Variants in DST observed in about 807,000 individuals in gnomAD.
The protein encoded by DST is bullous pemphigoid antigen.
A neutral mutation model predicts 875.2 loss-of-function variants in DST; 253 were observed. The observed-to-expected ratio is 0.29, with a 90% CI of 0.26 to 0.32. The LOEUF is 0.32. Among genes scored for constraint, DST ranks in the 10% least tolerant of loss-of-function variants. The pLI is 1.00. For synonymous variants in DST, 3,124 were observed against 3,197.1 expected, an observed-to-expected ratio of 0.98 and a Z score of 0.77; for missense variants, 8,287 against 9,111.6, an observed-to-expected ratio of 0.91 and a Z score of 3.68.
chr6:56,533,820 T>C (rs1406945107), intron 63 of DST, among the ~76,000 whole-genome samples: 1 of 152,196 alleles, frequency 6.6e-6, no homozygotes. Context: ...TTTCCCAATA[T>C]GCTGAAGTTT....
chr6:56,611,125 G>A (rs1429166630), intron 38 of DST, among the ~76,000 whole-genome samples: 3 of 152,042 alleles, frequency 2.0e-5, no homozygotes, highest in African/African-American at 7.2e-5. Flanking sequence ...TGAGAAACGA[G>A]GCTGCCATAG....
In DST at chr6:56,872,518, C is replaced by T. The variant is rs537709551; in HGVS notation, c.418-20914G>A. ...GCCTGGGCAACAGAGTAAGACTCCACCTCTAAGAAAACAAATAAATAAAAT... is the reference window on the plus strand; with the variant it reads ...GCCTGGGCAACAGAGTAAGACTCCATCTCTAAGAAAACAAATAAATAAAAT... On this transcript the variant is annotated intron_variant, in intron 3 of 103. Transcript: ENST00000680361. Among the ~76,000 whole-genome samples the T allele has an allele frequency of 1.4e-3, 212 of 151,642 alleles. 2 individuals carry two copies. The highest frequency in any genetic ancestry group is 1.7e-3 in the Non-Finnish European group (115 of 67,930).
intron 2 of DST, among the ~76,000 whole-genome samples, chr6:56,931,735 T>A (rs966332274): frequency 1.3e-5 from 2 of 152,210 alleles, no homozygotes; most frequent in Non-Finnish European, 2.9e-5. Context: ...TTGACTGCCC[T>A]GCTGGATTTT....
At chr6:56,729,330 C>T (rs1358880080) in intron 5 of DST, among the ~76,000 whole-genome samples, 1 of 152,190 alleles carries the variant, frequency 6.6e-6, no homozygotes, top group Admixed American at 6.5e-5. Flanking sequence ...GTGGCTCACG[C>T]CTGTAATCCC....
At chr6:56,498,899 C>T (rs1027606810) in intron 80 of DST, among the ~76,000 whole-genome samples, 1 of 152,064 alleles carries the variant, frequency 6.6e-6, no homozygotes, top group Admixed American at 6.5e-5. Context: ...TAATAAAAAG[C>T]TTACTACAGA....
At chr6:56,916,964 T>C in intron 2 of DST, among the ~76,000 whole-genome samples, 1 of 121,206 alleles carries the variant, frequency 8.3e-6, no homozygotes, top group African/African-American at 3.3e-5. Flanking sequence ...TTGCCAAGAC[T>C]CGCCATCAAG....
intron 93 of DST, among the ~76,000 whole-genome samples, chr6:56,473,552 T>C (rs1312208941): frequency 2.6e-5 from 4 of 152,168 alleles, no homozygotes; most frequent in Non-Finnish European, 4.4e-5. Context: ...ATGTTATATA[T>C]ATAATGGAAG....
At position 56,494,960 on chromosome 6, in the gene DST, G is replaced by A. The variant is rs141023786; in HGVS notation, c.20224-780C>T. Among the ~76,000 whole-genome samples the A allele has an allele frequency of 8.4e-3, 1,272 of 151,610 alleles. 6 individuals carry two copies. The highest frequency in any genetic ancestry group is 0.013 in the African/African-American group (542 of 41,394). On this transcript the variant is annotated intron_variant, in intron 82 of 103. Coordinates refer to ENST00000680361, the MANE Select transcript of DST (RefSeq NM_001374736.1). Reference sequence around the variant, plus strand: ...ATGTCTCACATTTTCAACTTTATACGTTTTAAAACTTGCAATATAACTCAT... The same window carrying A: ...ATGTCTCACATTTTCAACTTTATACATTTTAAAACTTGCAATATAACTCAT...
At chr6:56,503,723 ATTTG>A (rs990413265) in intron 78 of DST, among the ~76,000 whole-genome samples, 18 of 151,852 alleles carry the variant, frequency 1.2e-4, no homozygotes, top group African/African-American at 4.4e-4. Context: ...ACTTGAAATA[ATTTG>A]TTTTTCTCCT....
At chr6:56,839,698 C>G (rs914279760) in intron 4 of DST, among the ~76,000 whole-genome samples, 6 of 152,124 alleles carry the variant, frequency 3.9e-5, no homozygotes, top group Admixed American at 3.9e-4. Flanking sequence ...TTACTAATCA[C>G]CTATCAATAA....
intron 40 of DST, 55 bp downstream of exon 40, chr6:56,603,782 T>A (rs750235704): frequency 1.1e-5 from 18 of 1,580,348 alleles, no homozygotes; most frequent in Non-Finnish European, 1.5e-5. Flanking sequence ...TGTATGGGAT[T>A]ATTCTCACAT....
intron 61 of DST, among the ~76,000 whole-genome samples, chr6:56,549,105 C>T (rs1329280634): frequency 6.6e-6 from 1 of 152,182 alleles, no homozygotes; most frequent in Non-Finnish European, 1.5e-5. Flanking sequence ...GGAAGTCTAT[C>T]AAACCTGCTT....
At chr6:56,934,611 G>GGA (rs1298475622) in intron 2 of DST, among the ~76,000 whole-genome samples, 6 of 129,064 alleles carry the variant, frequency 4.6e-5, no homozygotes, top group Admixed American at 1.6e-4. Context: ...GAGAAGGAGG[G>GGA]GAGAGAGAGA....
At position 56,893,587 on chromosome 6, in the gene DST, T is replaced by A. The variant is rs1788948900; in HGVS notation, c.417+6834A>T. On this transcript the variant is annotated intron_variant, in intron 3 of 103. Coordinates refer to ENST00000680361, the MANE Select transcript of DST (RefSeq NM_001374736.1). ...CTTTTTTTTTTTTTTTTTTTTTTTT[T>A]ATTTTTTTTTATTTTTTATTTTTTA... Among the ~76,000 whole-genome samples the A allele has an allele frequency of 4.0e-4, 28 of 70,292 alleles. 1 individual carries two copies. Among genetic ancestry groups the A allele is most frequent in the South Asian group, 2.9e-3 (10 of 3,422 alleles). The allele number at this position is 70,292 out of a possible 152,430, so 46.1% of individuals were successfully genotyped here.
At chr6:56,783,791 C>T (rs890384114) in intron 4 of DST, among the ~76,000 whole-genome samples, 5 of 152,072 alleles carry the variant, frequency 3.3e-5, no homozygotes, top group Admixed American at 2.0e-4. Context: ...TTATTTTGCT[C>T]GTTAGTTGAT....
chr6:56,694,340 C>T (rs904355111), intron 9 of DST, among the ~76,000 whole-genome samples: 2 of 151,852 alleles, frequency 1.3e-5, no homozygotes, highest in Non-Finnish European at 2.9e-5. Context: ...AAAGATGGAA[C>T]TCATTATATT....
intron 49 of DST, among the ~76,000 whole-genome samples, chr6:56,579,139 T>C (rs932939397): frequency 1.3e-5 from 2 of 152,240 alleles, no homozygotes; most frequent in African/African-American, 2.4e-5. Flanking sequence ...TCAGCCAGTC[T>C]GGATAACACA....
intron 3 of DST, among the ~76,000 whole-genome samples, chr6:56,897,315 G>GGT (rs1791877709): frequency 7.3e-6 from 1 of 136,398 alleles, no homozygotes; most frequent in African/African-American, 2.9e-5. Context: ...TGGGGGGGGG[G>GGT]TTGTTTTTAT....
intron 2 of DST, among the ~76,000 whole-genome samples, chr6:56,904,920 G>A (rs979677535): frequency 5.9e-5 from 9 of 152,208 alleles, no homozygotes; most frequent in Non-Finnish European, 1.3e-4. Context: ...CTCCTGAGTA[G>A]CTGGGATTAC....
Sources: gnomAD v4.1 joint callset for allele counts (sites outside exome capture counted in the v4.1 genomes callset) on GRCh38, gnomAD v4.1.1 for gene constraint, MANE v1.5 for transcripts, NCBI Gene and HGNC (gene_info 2026-07-23, HGNC 2026-07-21) for gene names.